DCAF6: variants seen among roughly 807,000 people sequenced by gnomAD.
DCAF6 encodes DDB1- and CUL4-associated factor 6.
Under a neutral mutation model 125.1 loss-of-function variants are expected in DCAF6, and 54 were observed. The observed-to-expected ratio is 0.43, with a 90% CI of 0.35 to 0.54. DCAF6 has a LOEUF of 0.54. Among genes scored for constraint, DCAF6 ranks in the 20% least tolerant of loss-of-function variants. The pLI is 0.01. For missense variants in DCAF6, 934 were observed against 1,161.7 expected (o/e 0.80, Z 2.85); for synonymous variants, 371 against 390.4 (o/e 0.95, Z 0.58).
At chr1:167,903,793 T>G in the DCAF6 span, 4 of 890,590 alleles carry the variant, frequency 4.5e-6, no homozygotes. Context: ...GGAGGAGTGC[T>G]AAGCAATTGT....
intron 17 of DCAF6, chr1:168,056,139 T>A (rs529542620): frequency 6.3e-7 from 1 of 1,596,996 alleles, no homozygotes; most frequent in African/African-American, 1.4e-5. Flanking sequence ...ATCTTGTTTG[T>A]TCAATTTTGT....
intron 4 of DCAF6, among the ~76,000 whole-genome samples, chr1:167,979,978 T>G (rs780261715): frequency 4.6e-4 from 70 of 151,930 alleles, no homozygotes; most frequent in Non-Finnish European, 8.8e-4. Flanking sequence ...GTCAAGAGAT[T>G]GAGACCATCC....
intron 6 of DCAF6, among the ~76,000 whole-genome samples, chr1:167,992,215 T>C (rs914395417): frequency 3.3e-5 from 5 of 150,830 alleles, no homozygotes; most frequent in Non-Finnish European, 5.9e-5. Flanking sequence ...AGAAGTCAAC[T>C]TCCATTCACA....
the DCAF6 span, among the ~76,000 whole-genome samples, chr1:167,930,547 A>C: frequency 8.5e-5 from 13 of 152,216 alleles, no homozygotes; most frequent in Admixed American, 8.5e-4. Flanking sequence ...TCTGAATGTA[A>C]GAAAAGTCCT....
chr1:167,911,535 T>A, the DCAF6 span, among the ~76,000 whole-genome samples: 1 of 152,224 alleles, frequency 6.6e-6, no homozygotes, highest in Non-Finnish European at 1.5e-5. Flanking sequence ...CCTTTGCCTC[T>A]TTTAAAAGTT....
chr1:168,018,194 G>C (rs1268775328), intron 11 of DCAF6, among the ~76,000 whole-genome samples: 1 of 152,008 alleles, frequency 6.6e-6, no homozygotes, highest in Non-Finnish European at 1.5e-5. Context: ...AATGGGAAGG[G>C]GCCTGATGCT....
intron 3 of DCAF6, among the ~76,000 whole-genome samples, chr1:167,967,652 C>G (rs1676619762): frequency 6.6e-6 from 1 of 150,826 alleles, no homozygotes; most frequent in Admixed American, 6.6e-5. Flanking sequence ...TGTATATTTC[C>G]TAGCTGCCTC....
At chr1:167,991,104 T>G in intron 5 of DCAF6, 100 bp from the exon 6 acceptor site, 4 of 1,024,568 alleles carry the variant, frequency 3.9e-6, no homozygotes, top group South Asian at 2.3e-5. Flanking sequence ...TTAGGAGTTC[T>G]GAGAATGGTT....
Position 167,975,035 on chromosome 1 carries a change from A to G in DCAF6, c.438+20A>G. 3 of 1,459,310 alleles carry G rather than the reference A, an allele frequency of 2.1e-6. No homozygotes were observed. Among genetic ancestry groups the G allele is most frequent in the Non-Finnish European group, 2.8e-6 (3 of 1,084,164 alleles). 90.4% of individuals were successfully genotyped at this position (1,459,310 alleles called of 1,614,324 possible). On this transcript the variant is annotated intron_variant, in intron 4 of 21. Coordinates refer to ENST00000367840, the MANE Select transcript of DCAF6 (RefSeq NM_001198956.2). ...TATGAGGTATGGTATTATTATGATT[A>G]TATGATATATATGTAAGTATGTATA... is the stretch of plus-strand genomic sequence containing the variant.
the DCAF6 span, among the ~76,000 whole-genome samples, chr1:167,886,429 A>G: frequency 6.6e-6 from 1 of 152,154 alleles, no homozygotes; most frequent in Non-Finnish European, 1.5e-5. Flanking sequence ...ACAAACCTGA[A>G]AAAGACAAGA....
At chr1:168,046,819 C>A (rs1689201247) in intron 16 of DCAF6, among the ~76,000 whole-genome samples, 1 of 152,064 alleles carries the variant, frequency 6.6e-6, no homozygotes, top group Admixed American at 6.5e-5. Flanking sequence ...TAAGCTTGTA[C>A]ATTTATGGCC....
the DCAF6 span, among the ~76,000 whole-genome samples, chr1:167,866,319 C>A: frequency 6.6e-6 from 1 of 151,970 alleles, no homozygotes; most frequent in African/African-American, 2.4e-5. Context: ...TGGAGTCCCA[C>A]GAGGAATACC....
At chr1:167,887,890 T>TC in the DCAF6 span, among the ~76,000 whole-genome samples, 1 of 152,244 alleles carries the variant, frequency 6.6e-6, no homozygotes, top group Admixed American at 6.5e-5. Context: ...CTTGAGAGTC[T>TC]CCCCAATGTT....
intron 13 of DCAF6, chr1:168,042,711 C>A: frequency 5.4e-6 from 1 of 185,904 alleles, no homozygotes; most frequent in Non-Finnish European, 1.1e-5. Context: ...GTAGTGAAGA[C>A]AAGAAAGGAG....
intron 7 of DCAF6, among the ~76,000 whole-genome samples, chr1:167,997,617 T>G (rs1681931593): frequency 6.6e-6 from 1 of 152,108 alleles, no homozygotes; most frequent in East Asian, 1.9e-4. Flanking sequence ...GTCACCAAGT[T>G]TTTATCAAAA....
chr1:168,008,834 C>T, intron 10 of DCAF6, among the ~76,000 whole-genome samples: 1 of 145,632 alleles, frequency 6.9e-6, no homozygotes, highest in Non-Finnish European at 1.5e-5. Context: ...TTCTGCCCTG[C>T]CCTGCCCTGC....
the DCAF6 span, among the ~76,000 whole-genome samples, chr1:167,889,279 A>G: frequency 1.3e-5 from 2 of 152,148 alleles, no homozygotes; most frequent in African/African-American, 4.8e-5. Context: ...AATTTTTATC[A>G]TGAAGGGATG....
intron 5 of DCAF6, among the ~76,000 whole-genome samples, chr1:167,988,216 A>G (rs1165653365): frequency 6.6e-6 from 1 of 152,112 alleles, no homozygotes; most frequent in Non-Finnish European, 1.5e-5. Context: ...GCCGGAGTGC[A>G]GTGGTGCAAT....
At chr1:167,890,845 C>T in the DCAF6 span, among the ~76,000 whole-genome samples, 1 of 152,182 alleles carries the variant, frequency 6.6e-6, no homozygotes, top group Admixed American at 6.5e-5. Context: ...CCCCATTTTA[C>T]CGATTAGATA....
Sources: gnomAD v4.1 joint callset for allele counts (sites outside exome capture counted in the v4.1 genomes callset) on GRCh38, gnomAD v4.1.1 for gene constraint, MANE v1.5 for transcripts, NCBI Gene and HGNC (gene_info 2026-07-23, HGNC 2026-07-21) for gene names.